Variants in WDR27 observed in about 807,000 individuals in gnomAD.
WDR27 encodes WD repeat domain 27.
WDR27 carries 100 observed loss-of-function variants against 114.4 expected under a neutral mutation model. That is an observed-to-expected ratio of 0.87 (90% CI 0.74 to 1.03). WDR27 has a LOEUF of 1.03. Among genes scored for constraint, WDR27 ranks in the 50% least tolerant of loss-of-function variants. WDR27 has a pLI of 0.00. For missense variants in WDR27, 1,129 were observed against 1,092.9 expected, an observed-to-expected ratio of 1.03 and a Z score of -0.47; for synonymous variants, 449 against 423.1, an observed-to-expected ratio of 1.06 and a Z score of -0.75.
intron 25 of WDR27, among the ~76,000 whole-genome samples, chr6:169,562,484 C>T (rs959661353): frequency 2.0e-5 from 3 of 152,148 alleles, no homozygotes; most frequent in Non-Finnish European, 4.4e-5. Flanking sequence ...TTGGGGGATC[C>T]CCTAAGGCAG....
intron 25 of WDR27, among the ~76,000 whole-genome samples, chr6:169,494,294 G>A (rs907197317): frequency 1.3e-5 from 2 of 152,100 alleles, no homozygotes; most frequent in Non-Finnish European, 2.9e-5. Flanking sequence ...CTCTCCCTTA[G>A]GTAAAAGGAA....
intron 25 of WDR27, among the ~76,000 whole-genome samples, chr6:169,554,825 T>C (rs1432636932): frequency 1.3e-5 from 2 of 152,236 alleles, no homozygotes; most frequent in Non-Finnish European, 1.5e-5. Flanking sequence ...TTCTGGTGAT[T>C]TATCATTTTA....
chr6:169,513,507 G>C (rs1249734828), intron 25 of WDR27, among the ~76,000 whole-genome samples: 1 of 152,114 alleles, frequency 6.6e-6, no homozygotes, highest in African/African-American at 2.4e-5. Flanking sequence ...ATTTTGGGGA[G>C]TTGTATAAAC....
At chr6:169,499,983 C>G (rs1208750552) in intron 25 of WDR27, among the ~76,000 whole-genome samples, 1 of 152,218 alleles carries the variant, frequency 6.6e-6, no homozygotes, top group Non-Finnish European at 1.5e-5. Context: ...ACGGTTCCTT[C>G]CCCCAGCTGC....
At chr6:169,668,981 C>G (rs1828643668) in intron 4 of WDR27, among the ~76,000 whole-genome samples, 1 of 152,212 alleles carries the variant, frequency 6.6e-6, no homozygotes, top group African/African-American at 2.4e-5. Context: ...AAGACTATAA[C>G]CTGTGTAGGA....
intron 25 of WDR27, among the ~76,000 whole-genome samples, chr6:169,502,917 T>G (rs984535678): frequency 4.6e-5 from 7 of 152,168 alleles, no homozygotes; most frequent in African/African-American, 1.7e-4. Flanking sequence ...CTTGAACCAC[T>G]TCTTCTATAG....
chr6:169,457,472 C>A lies in WDR27; in HGVS notation c.*120G>T. On this transcript the variant is annotated 3_prime_UTR_variant, in exon 26 of 26. Coordinates refer to ENST00000448612, the MANE Select transcript of WDR27 (RefSeq NM_182552.5). ...CAAACGGGGGAAATCTGAGGCAAGTCTCAAAATATGAAAAACAGTTGCTGC... is the reference window on the plus strand; with the variant it reads ...CAAACGGGGGAAATCTGAGGCAAGTATCAAAATATGAAAAACAGTTGCTGC... The A allele has an allele frequency of 1.2e-6, 1 of 839,110 alleles. No individual in the cohort carries two copies. The highest frequency in any genetic ancestry group is 2.0e-5 in the South Asian group (1 of 50,148). The allele number at this position is 839,110 out of a possible 1,614,324, so 52.0% of individuals were successfully genotyped here.
chr6:169,426,659 G>C, the WDR27 span: 3 of 152,352 alleles, frequency 2.0e-5, no homozygotes, highest in African/African-American at 7.2e-5. Flanking sequence ...TGCAGGCCAT[G>C]CTCTGCTCCA....
At chr6:169,640,794 T>A (rs1358026323) in intron 17 of WDR27, among the ~76,000 whole-genome samples, 6 of 149,826 alleles carry the variant, frequency 4.0e-5, no homozygotes, top group Non-Finnish European at 7.4e-5. Context: ...TGTCTTCCAA[T>A]ATCAAGCTCA....
chr6:169,588,523 T>G (rs930258457), intron 23 of WDR27, among the ~76,000 whole-genome samples: 8 of 152,228 alleles, frequency 5.3e-5, no homozygotes, highest in African/African-American at 1.4e-4. Flanking sequence ...AAATCATGTA[T>G]AAGTGGACCC....
chr6:169,689,727 G>C (rs948571224), intron 1 of WDR27, among the ~76,000 whole-genome samples: 7 of 152,238 alleles, frequency 4.6e-5, no homozygotes, highest in Non-Finnish European at 1.5e-5. Context: ...TGATTCTGTT[G>C]TACCCCACAC....
intron 23 of WDR27, among the ~76,000 whole-genome samples, chr6:169,594,014 A>T (rs1806292868): frequency 6.6e-6 from 1 of 152,116 alleles, no homozygotes; most frequent in South Asian, 2.1e-4. Flanking sequence ...CTGGCTTTTT[A>T]GGTAGATATT....
intron 25 of WDR27, among the ~76,000 whole-genome samples, chr6:169,517,182 C>T (rs1793780824): frequency 6.6e-6 from 1 of 152,134 alleles, no homozygotes; most frequent in Non-Finnish European, 1.5e-5. Flanking sequence ...CCACCACCAA[C>T]TCTCTTTCTC....
chr6:169,640,719 G>A (rs1818935659), intron 17 of WDR27, among the ~76,000 whole-genome samples: 1 of 152,264 alleles, frequency 6.6e-6, no homozygotes, highest in South Asian at 2.1e-4. Flanking sequence ...CCAGTGGGAA[G>A]GGCCTGACGT....
chr6:169,630,612 T>C (rs538807667), intron 21 of WDR27, among the ~76,000 whole-genome samples: 141 of 152,148 alleles, frequency 9.3e-4, no homozygotes, highest in Non-Finnish European at 1.7e-3. Context: ...ATAAGACAGG[T>C]TGGTCGGGCG....
intron 25 of WDR27, among the ~76,000 whole-genome samples, chr6:169,507,277 T>C (rs554106996): frequency 6.6e-6 from 1 of 152,284 alleles, no homozygotes; most frequent in African/African-American, 2.4e-5. Context: ...TGAAAGGAGT[T>C]TGAGGTGGGG....
At chr6:169,474,756 A>T (rs1786902914) in intron 25 of WDR27, among the ~76,000 whole-genome samples, 1 of 152,260 alleles carries the variant, frequency 6.6e-6, no homozygotes, top group Non-Finnish European at 1.5e-5. Context: ...AATCATTATT[A>T]AGGAAGAGCA....
At chr6:169,498,814 T>C (rs1190215396) in intron 25 of WDR27, among the ~76,000 whole-genome samples, 2 of 152,192 alleles carry the variant, frequency 1.3e-5, no homozygotes, top group African/African-American at 4.8e-5. Context: ...TGCCAGGGGT[T>C]ATGGATGCGG....
chr6:169,610,195 C>T (rs1810183025), intron 22 of WDR27, among the ~76,000 whole-genome samples: 1 of 152,236 alleles, frequency 6.6e-6, no homozygotes, highest in Non-Finnish European at 1.5e-5. Flanking sequence ...GTTCCAACCT[C>T]TGCCTGTTAC....
Sources: allele counts gnomAD v4.1 joint callset (sites outside exome capture counted in the v4.1 genomes callset), GRCh38; gene constraint gnomAD v4.1.1; transcripts MANE v1.5; gene names NCBI Gene and HGNC (gene_info 2026-07-23, HGNC 2026-07-21).